The following ZEB1 variants were observed in gnomAD, a reference collection of about 807,000 sequenced individuals.
ZEB1 encodes the protein zinc finger E-box binding homeobox 1, also known as zinc finger E-box-binding homeobox 1.
A neutral mutation model predicts 84.9 loss-of-function variants in ZEB1; 21 were observed. The observed-to-expected ratio is 0.25, with a 90% CI of 0.18 to 0.36. ZEB1 has a LOEUF of 0.36. Among genes scored for constraint, ZEB1 ranks in the 10% least tolerant of loss-of-function variants. ZEB1 has a pLI of 1.00. For missense variants in ZEB1, 1,104 were observed against 1,330.2 expected, an observed-to-expected ratio of 0.83 and a Z score of 2.65; for synonymous variants, 420 against 471.1, an observed-to-expected ratio of 0.89 and a Z score of 1.41.
At chr10:31,349,183 T>C (rs2040863991) in intron 1 of ZEB1, among the ~76,000 whole-genome samples, 1 of 152,216 alleles carries the variant, frequency 6.6e-6, no homozygotes, top group African/African-American at 2.4e-5. Flanking sequence ...TCTCTTTCTG[T>C]GCCTTAGCTT....
chr10:31,328,205 T>C (rs1176276710), intron 1 of ZEB1, among the ~76,000 whole-genome samples: 1 of 152,168 alleles, frequency 6.6e-6, no homozygotes, highest in Non-Finnish European at 1.5e-5. Flanking sequence ...GTCTAATGCA[T>C]CAGGAGTTCA....
intron 1 of ZEB1, among the ~76,000 whole-genome samples, chr10:31,408,726 CCTT>C (rs1275543546): frequency 6.9e-5 from 10 of 145,356 alleles, no homozygotes; most frequent in South Asian, 2.2e-4. Flanking sequence ...CTTCCTTACA[CCTT>C]ATACAAAAAT....
intron 1 of ZEB1, among the ~76,000 whole-genome samples, chr10:31,349,368 G>T (rs1181137999): frequency 6.6e-6 from 1 of 152,134 alleles, no homozygotes; most frequent in Non-Finnish European, 1.5e-5. Context: ...TACGAATAAT[G>T]CTGAAATGAA....
intron 2 of ZEB1, among the ~76,000 whole-genome samples, chr10:31,475,512 A>C (rs1295371761): frequency 6.6e-6 from 1 of 152,186 alleles, no homozygotes; most frequent in Non-Finnish European, 1.5e-5. Flanking sequence ...ATTCAAAGTC[A>C]ATATGAAAGA....
chr10:31,444,735 G>A (rs1388343183), intron 1 of ZEB1, among the ~76,000 whole-genome samples: 16 of 151,758 alleles, frequency 1.1e-4, no homozygotes, highest in African/African-American at 1.7e-4. Context: ...GGTATGCGGC[G>A]TTATTTCTGA....
At chr10:31,487,714 A>T (rs1021060651) in intron 2 of ZEB1, among the ~76,000 whole-genome samples, 1 of 151,418 alleles carries the variant, frequency 6.6e-6, no homozygotes, top group Non-Finnish European at 1.5e-5. Context: ...TCTTGAGAAG[A>T]AAGCATAGTC....
chr10:31,347,086 G>C (rs768930877), intron 1 of ZEB1, among the ~76,000 whole-genome samples: 2 of 152,050 alleles, frequency 1.3e-5, no homozygotes, highest in Non-Finnish European at 2.9e-5. Context: ...TTTTTTATGT[G>C]GTGGGGAGGT....
At chr10:31,441,621 A>G (rs574034384) in intron 1 of ZEB1, among the ~76,000 whole-genome samples, 14 of 152,268 alleles carry the variant, frequency 9.2e-5, no homozygotes, top group African/African-American at 2.4e-4. Flanking sequence ...TGAACAGGCA[A>G]CCTACAGAAT....
chr10:31,330,428 A>G (rs1208020792), intron 1 of ZEB1, among the ~76,000 whole-genome samples: 1 of 152,216 alleles, frequency 6.6e-6, no homozygotes, highest in Non-Finnish European at 1.5e-5. Context: ...TATTGAGGAT[A>G]CAGTTTCAGA....
intron 1 of ZEB1, among the ~76,000 whole-genome samples, chr10:31,417,536 A>C (rs2055418461): frequency 6.6e-6 from 1 of 152,094 alleles, no homozygotes; most frequent in African/African-American, 2.4e-5. Context: ...TTCACACCAT[A>C]AGAAAATATA....
At chr10:31,371,711 A>G (rs1355012958) in intron 1 of ZEB1, among the ~76,000 whole-genome samples, 1 of 152,178 alleles carries the variant, frequency 6.6e-6, no homozygotes, top group Admixed American at 6.5e-5. Flanking sequence ...GCACCCAGGA[A>G]AGAACTTTGT....
chr10:31,528,012 G>A lies in ZEB1; in HGVS notation c.*748G>A. On this transcript the variant is annotated 3_prime_UTR_variant, in exon 9 of 9. Transcript: ENST00000424869. ...AGTTCTGATTGCAGGGACTAACAAT[G>A]TTAATCTGATAAGGACAGCAAAATC... 6.6e-6 allele frequency: 1 copy of A among 152,246 alleles called. No homozygotes were observed. Among genetic ancestry groups the A allele is most frequent in the East Asian group, 1.9e-4 (1 of 5,202 alleles). The allele number at this position is 152,246 out of a possible 1,614,324, so 9.4% of individuals were successfully genotyped here. A position where few individuals can be genotyped will look rare whatever the true frequency, so the allele number is the denominator to read the frequency against.
intron 1 of ZEB1, among the ~76,000 whole-genome samples, chr10:31,379,725 AC>A (rs1425130660): frequency 1.3e-5 from 2 of 150,016 alleles, no homozygotes; most frequent in African/African-American, 5.0e-5. Context: ...AAAAAAAAAA[AC>A]CTTAGTGTAA....
intron 4 of ZEB1, 75 bp downstream of exon 4, chr10:31,502,584 C>T (rs1204366550): frequency 6.3e-7 from 1 of 1,588,282 alleles, no homozygotes; most frequent in East Asian, 2.2e-5. Context: ...CTATGGGAAC[C>T]TGCTCTACTA....
intron 2 of ZEB1, among the ~76,000 whole-genome samples, chr10:31,465,031 T>C (rs1051433107): frequency 3.9e-5 from 6 of 152,188 alleles, no homozygotes; most frequent in African/African-American, 1.4e-4. Context: ...ATAGGGTGAC[T>C]GCAGTCAATA....
chr10:31,439,504 T>A (rs947088265), intron 1 of ZEB1, among the ~76,000 whole-genome samples: 11 of 152,286 alleles, frequency 7.2e-5, no homozygotes, highest in Admixed American at 7.2e-4. Flanking sequence ...TAGGGATTAG[T>A]ATCTACAGCC....
chr10:31,400,776 A>G (rs1256816827), intron 1 of ZEB1, among the ~76,000 whole-genome samples: 1 of 152,184 alleles, frequency 6.6e-6, no homozygotes, highest in Non-Finnish European at 1.5e-5. Flanking sequence ...CAGCCTACCA[A>G]CATAGCTTTT....
chr10:31,427,139 A>G (rs1329706989), intron 1 of ZEB1, among the ~76,000 whole-genome samples: 1 of 152,172 alleles, frequency 6.6e-6, no homozygotes, highest in African/African-American at 2.4e-5. Context: ...AATTCAAAAA[A>G]AAAATCCATT....
At chr10:31,398,537 A>G (rs1337951049) in intron 1 of ZEB1, among the ~76,000 whole-genome samples, 2 of 152,136 alleles carry the variant, frequency 1.3e-5, no homozygotes, top group Non-Finnish European at 2.9e-5. Flanking sequence ...ATCTTAAAAA[A>G]AATCTTACTC....
Sources: allele counts gnomAD v4.1 joint callset (sites outside exome capture counted in the v4.1 genomes callset), GRCh38; gene constraint gnomAD v4.1.1; transcripts MANE v1.5; gene names NCBI Gene and HGNC (gene_info 2026-07-23, HGNC 2026-07-21).